The following LRMDA variants were observed in gnomAD, a reference collection of about 807,000 sequenced individuals.
The protein encoded by LRMDA is leucine rich melanocyte differentiation associated, also known as leucine-rich melanocyte differentiation-associated protein.
Under a neutral mutation model 29.8 loss-of-function variants are expected in LRMDA, and 18 were observed. The ratio of observed to expected loss-of-function variants is 0.60; its 90% CI spans 0.42 to 0.90. The LOEUF (loss-of-function observed/expected upper bound fraction) is 0.90. LRMDA is among the 40% of genes least tolerant of loss of function. The probability of loss-of-function intolerance (pLI) is 0.00; values close to 1 mark genes in which losing one functional copy is unlikely to be tolerated. For synonymous variants in LRMDA, 125 were observed against 109.4 expected (o/e 1.14, Z -0.89); for missense variants, 273 against 273.9 (o/e 1.00, Z 0.02).
intron 6 of LRMDA, among the ~76,000 whole-genome samples, chr10:76,326,148 G>T (rs921504520): frequency 1.3e-5 from 2 of 152,164 alleles, no homozygotes; most frequent in Non-Finnish European, 2.9e-5. Flanking sequence ...ATCATAAAAT[G>T]ACGTTCTTTG....
chr10:75,510,662 C>G (rs1453863178), intron 2 of LRMDA, among the ~76,000 whole-genome samples: 1 of 152,182 alleles, frequency 6.6e-6, no homozygotes, highest in African/African-American at 2.4e-5. Flanking sequence ...CAGGTTTGCT[C>G]TCTTGGCCAG....
chr10:75,581,299 A>G (rs987753300), intron 2 of LRMDA, among the ~76,000 whole-genome samples: 1 of 152,240 alleles, frequency 6.6e-6, no homozygotes, highest in African/African-American at 2.4e-5. Context: ...TATGCAGCCA[A>G]TATACATATG....
chr10:76,447,071 C>T (rs1224622076), intron 6 of LRMDA, among the ~76,000 whole-genome samples: 1 of 148,152 alleles, frequency 6.7e-6, no homozygotes, highest in Admixed American at 6.7e-5. Flanking sequence ...TTTTTAACCT[C>T]ATTATGTCTC....
rs1844195408 is a variant in LRMDA, at chr10:75,431,654, C to T, written c.-71C>T. On this transcript the variant is annotated 5_prime_UTR_variant, in exon 1 of 7. Coordinates refer to ENST00000611255, the MANE Select transcript of LRMDA (RefSeq NM_001305581.2). ...GGAACTGTGCGCCCGCCGCGCTCCC[C>T]TGCCGCGCTCCCCGCTGCTGCCGCC... 19 of 1,218,364 alleles carry T rather than the reference C, an allele frequency of 1.6e-5. No individual in the cohort carries two copies. Among genetic ancestry groups the T allele is most frequent in the Non-Finnish European group, 1.8e-5 (18 of 979,740 alleles). 75.5% of individuals were successfully genotyped at this position (1,218,364 alleles called of 1,614,324 possible).
Position 76,036,058 on chromosome 10 carries a change from A to T in LRMDA, c.182A>T (p.Asp61Val). 1 of 1,614,154 alleles carries T rather than the reference A, an allele frequency of 6.2e-7. No homozygotes were observed. Among genetic ancestry groups the T allele is most frequent in the Non-Finnish European group, 8.5e-7 (1 of 1,180,040 alleles). The change falls in exon 3 of 7, where the codon GAC becomes GTC. Residue 61 changes from aspartate to valine, a missense_variant. By Grantham distance (152) the Asp-to-Val change is radical (BLOSUM62 -3). Transcript: ENST00000611255. ...AFRSLEELIL[D>V]NNQLGDDLVL... The stretch of plus-strand genomic sequence containing the variant: ...AGGAGCCTGGAGGAACTCATCTTGG[A>T]CAACAATCAGCTGGGGGACGACCTT...
At chr10:75,805,516 T>A (rs1843835968) in intron 2 of LRMDA, among the ~76,000 whole-genome samples, 1 of 152,206 alleles carries the variant, frequency 6.6e-6, no homozygotes, top group South Asian at 2.1e-4. Context: ...TTTGGCCTGG[T>A]GGCTAGCAAA....
chr10:75,745,500 A>G (rs1395360092), intron 2 of LRMDA, among the ~76,000 whole-genome samples: 1 of 152,232 alleles, frequency 6.6e-6, no homozygotes, highest in African/African-American at 2.4e-5. Context: ...AACTTTAAAA[A>G]CACTATATTT....
At chr10:76,470,970 A>C (rs1268179295) in intron 6 of LRMDA, among the ~76,000 whole-genome samples, 1 of 151,964 alleles carries the variant, frequency 6.6e-6, no homozygotes, top group Non-Finnish European at 1.5e-5. Flanking sequence ...ACTCTAAAAA[A>C]GCAATTATAT....
At chr10:75,793,972 A>G (rs1340526462) in intron 2 of LRMDA, among the ~76,000 whole-genome samples, 1 of 152,238 alleles carries the variant, frequency 6.6e-6, no homozygotes, top group African/African-American at 2.4e-5. Flanking sequence ...ATAGTGGGAA[A>G]ACGGCCATAG....
intron 2 of LRMDA, among the ~76,000 whole-genome samples, chr10:75,825,227 CTTTCTTCTCCCAAAATAAATACAT>C (rs140644587): frequency 0.16 from 24,438 of 152,170 alleles, 2,152 homozygotes; most frequent in Admixed American, 0.22. Context: ...TCTCTTCCCA[CTTTCTTCTCCCAAAATAAATACAT>C]TTTCTAAGAC....
chr10:75,957,663 A>G (rs1024573779), intron 2 of LRMDA, among the ~76,000 whole-genome samples: 2 of 152,156 alleles, frequency 1.3e-5, no homozygotes, highest in African/African-American at 4.8e-5. Flanking sequence ...ATAGCCACGG[A>G]GTGATGGGTA....
At chr10:75,611,528 C>G (rs960757122) in intron 2 of LRMDA, among the ~76,000 whole-genome samples, 1 of 152,168 alleles carries the variant, frequency 6.6e-6, no homozygotes, top group Non-Finnish European at 1.5e-5. Context: ...TTCCCCACTC[C>G]CCTCCTCCCC....
intron 6 of LRMDA, among the ~76,000 whole-genome samples, chr10:76,528,318 G>T (rs1467561968): frequency 6.6e-6 from 1 of 152,114 alleles, no homozygotes; most frequent in Admixed American, 6.5e-5. Context: ...AGAACACAAT[G>T]TTATATAGTA....
intron 6 of LRMDA, among the ~76,000 whole-genome samples, chr10:76,503,744 A>T (rs1210942989): frequency 6.6e-6 from 1 of 151,256 alleles, no homozygotes; most frequent in Non-Finnish European, 1.5e-5. Flanking sequence ...CTAGCTAGAG[A>T]TCTATGAATT....
intron 5 of LRMDA, among the ~76,000 whole-genome samples, chr10:76,113,802 T>C (rs1472361014): frequency 6.6e-6 from 1 of 152,170 alleles, no homozygotes. Context: ...AGCTGTCTGC[T>C]CGCCATGGCA....
chr10:76,074,042 C>A (rs971531512), intron 5 of LRMDA, among the ~76,000 whole-genome samples: 1 of 152,088 alleles, frequency 6.6e-6, no homozygotes, highest in African/African-American at 2.4e-5. Flanking sequence ...TCTCAATAGC[C>A]AATTTAATGC....
chr10:75,552,459 G>A (rs1589180063), intron 2 of LRMDA: 1 of 260,926 alleles, frequency 3.8e-6, no homozygotes, highest in Non-Finnish European at 8.5e-6. Flanking sequence ...AATTTTCACT[G>A]TATCCTTGGT....
At chr10:75,708,590 C>T (rs566116502) in intron 2 of LRMDA, among the ~76,000 whole-genome samples, 16 of 151,996 alleles carry the variant, frequency 1.1e-4, no homozygotes, top group South Asian at 8.4e-4. Context: ...GTCATCAAAG[C>T]GATGTGATCC....
chr10:76,168,958 T>A (rs1850787824), intron 5 of LRMDA, among the ~76,000 whole-genome samples: 1 of 152,196 alleles, frequency 6.6e-6, no homozygotes, highest in Non-Finnish European at 1.5e-5. Flanking sequence ...GTATCCACTG[T>A]ATAGGTACTT....
Sources: gnomAD v4.1 joint callset for allele counts (sites outside exome capture counted in the v4.1 genomes callset) on GRCh38, gnomAD v4.1.1 for gene constraint, MANE v1.5 for transcripts, NCBI Gene and HGNC (gene_info 2026-07-23, HGNC 2026-07-21) for gene names.